PCDH15: variants seen among roughly 807,000 people sequenced by gnomAD.
PCDH15 encodes protocadherin-15.
PCDH15 carries 129 observed loss-of-function variants against 178.5 expected under a neutral mutation model. That is an observed-to-expected ratio of 0.72 (90% CI 0.63 to 0.84). The LOEUF (loss-of-function observed/expected upper bound fraction) is 0.84. PCDH15 is among the 40% of genes least tolerant of loss of function. The probability of loss-of-function intolerance (pLI) is 0.00; values close to 1 mark genes in which losing one functional copy is unlikely to be tolerated. For synonymous variants in PCDH15, 800 were observed against 732.0 expected, an observed-to-expected ratio of 1.09 and a Z score of -1.50; for missense variants, 2,230 against 2,099.9, an observed-to-expected ratio of 1.06 and a Z score of -1.21.
At chr10:55,010,184 T>C (rs1409273252) in intron 2 of PCDH15, among the ~76,000 whole-genome samples, 1 of 151,980 alleles carries the variant, frequency 6.6e-6, no homozygotes, top group East Asian at 1.9e-4. Context: ...TTGTACAACC[T>C]GAAGTAAAAA....
chr10:54,738,774 A>G (rs1051739908), intron 1 of PCDH15, among the ~76,000 whole-genome samples: 5 of 152,244 alleles, frequency 3.3e-5, no homozygotes, highest in African/African-American at 1.2e-4. Flanking sequence ...AACATGATAC[A>G]TCATAACATA....
chr10:54,731,541 G>GATATATATATATATATATATAT (rs1227921777), intron 1 of PCDH15, among the ~76,000 whole-genome samples: 4,452 of 67,580 alleles, frequency 0.066, 852 homozygotes, highest in Middle Eastern at 0.089. Flanking sequence ...GAAAATGTGA[G>GATATATATATATATATATATAT]ATAGATATAT....
At chr10:54,394,610 A>C (rs1257543570) in intron 3 of PCDH15, among the ~76,000 whole-genome samples, 1 of 152,196 alleles carries the variant, frequency 6.6e-6, no homozygotes, top group Non-Finnish European at 1.5e-5. Context: ...TGAAATTAAA[A>C]TTGCTAATGA....
At chr10:54,546,984 T>G (rs1280740607) in intron 2 of PCDH15, among the ~76,000 whole-genome samples, 1 of 152,172 alleles carries the variant, frequency 6.6e-6, no homozygotes, top group Non-Finnish European at 1.5e-5. Flanking sequence ...GTAATGACAT[T>G]GTGGGAAAGC....
At chr10:54,354,177 G>T (rs1944601795) in intron 5 of PCDH15, among the ~76,000 whole-genome samples, 1 of 152,088 alleles carries the variant, frequency 6.6e-6, no homozygotes, top group African/African-American at 2.4e-5. Flanking sequence ...TAGAGACGTG[G>T]TTTCTCCATG....
chr10:55,379,234 T>C (rs1837476258), intron 2 of PCDH15, among the ~76,000 whole-genome samples: 1 of 151,964 alleles, frequency 6.6e-6, no homozygotes, highest in Admixed American at 6.6e-5. Context: ...TCACCTCCCC[T>C]GTTATCCTGT....
chr10:54,334,468 A>G (rs1940604138), intron 6 of PCDH15, among the ~76,000 whole-genome samples: 1 of 152,146 alleles, frequency 6.6e-6, no homozygotes. Context: ...CTCTGAAAGG[A>G]GGTGTTGAAT....
intron 2 of PCDH15, among the ~76,000 whole-genome samples, chr10:55,016,984 A>C (rs894047840): frequency 6.6e-6 from 1 of 152,122 alleles, no homozygotes. Context: ...AGAGGGAGAG[A>C]GGGAGAGAAG....
At chr10:54,268,597 C>A (rs1277126959) in intron 8 of PCDH15, among the ~76,000 whole-genome samples, 2 of 151,884 alleles carry the variant, frequency 1.3e-5, no homozygotes, top group Admixed American at 1.3e-4. Flanking sequence ...AGAATGAAAT[C>A]CTTTCCTTTG....
At chr10:54,510,784 T>A (rs2081578855) in intron 3 of PCDH15, among the ~76,000 whole-genome samples, 1 of 152,204 alleles carries the variant, frequency 6.6e-6, no homozygotes, top group South Asian at 2.1e-4. Context: ...CTTATTTTGG[T>A]GTGAATGTAT....
intron 2 of PCDH15, among the ~76,000 whole-genome samples, chr10:55,406,722 G>A (rs965385200): frequency 2.6e-5 from 4 of 152,146 alleles, no homozygotes; most frequent in Non-Finnish European, 4.4e-5. Flanking sequence ...CTGGACATAG[G>A]TATTTTGGAG....
chr10:54,276,626 T>G (rs2132616760), intron 8 of PCDH15, among the ~76,000 whole-genome samples: 1 of 150,958 alleles, frequency 6.6e-6, no homozygotes, highest in African/African-American at 2.4e-5. Context: ...TACATATATA[T>G]AATAAAATCT....
intron 2 of PCDH15, among the ~76,000 whole-genome samples, chr10:55,372,991 T>G (rs1192502442): frequency 1.3e-5 from 2 of 152,140 alleles, no homozygotes; most frequent in Non-Finnish European, 2.9e-5. Flanking sequence ...GTAGCCTTTG[T>G]GAGTCTAGTG....
At chr10:54,552,387 G>A (rs917660830) in intron 2 of PCDH15, among the ~76,000 whole-genome samples, 3 of 152,124 alleles carry the variant, frequency 2.0e-5, no homozygotes, top group Admixed American at 6.5e-5. Flanking sequence ...ATGATAGTAT[G>A]AGAATTAAGC....
intron 2 of PCDH15, among the ~76,000 whole-genome samples, chr10:54,536,759 G>C (rs777548955): frequency 1.3e-5 from 2 of 151,842 alleles, no homozygotes; most frequent in Non-Finnish European, 2.9e-5. Flanking sequence ...TGGTTTTTCT[G>C]TTCCTGTGTT....
In PCDH15 at chr10:53,828,579, T is replaced by C; in HGVS notation, c.4203-6A>G. 6.5e-7 allele frequency: 1 copy of C among 1,550,250 alleles called. No homozygotes were observed. The highest frequency in any genetic ancestry group is 8.9e-7 in the Non-Finnish European group (1 of 1,122,694). ...ATTATACTTACACTTTAAACCTGTTTGGGAAAGCAAGAGTAAGAAAAATAG... is the reference window on the plus strand; with the variant it reads ...ATTATACTTACACTTTAAACCTGTTCGGGAAAGCAAGAGTAAGAAAAATAG... On this transcript the variant is annotated splice_region_variant and splice_polypyrimidine_tract_variant and intron_variant, in intron 30 of 37. Coordinates refer to ENST00000644397, the MANE Select transcript of PCDH15 (RefSeq NM_001384140.1).
chr10:55,572,734 T>C (rs1017902963), intron 2 of PCDH15, among the ~76,000 whole-genome samples: 2 of 152,014 alleles, frequency 1.3e-5, no homozygotes, highest in African/African-American at 4.8e-5. Context: ...GGTCTCTCTG[T>C]GAAGGTTTCA....
intron 1 of PCDH15, among the ~76,000 whole-genome samples, chr10:54,731,563 T>TATATATATATATATATATATACACAC: frequency 4.0e-5 from 2 of 49,920 alleles, no homozygotes; most frequent in Admixed American, 1.5e-4. Flanking sequence ...TATATATATA[T>TATATATATATATATATATATACACAC]ACACACACAC....
intron 2 of PCDH15, among the ~76,000 whole-genome samples, chr10:55,100,945 A>G (rs1842562499): frequency 6.6e-6 from 1 of 152,192 alleles, no homozygotes; most frequent in Admixed American, 6.6e-5. Context: ...AATAGAAATT[A>G]TCTTCCTCAT....
Sources: allele counts gnomAD v4.1 joint callset (sites outside exome capture counted in the v4.1 genomes callset), GRCh38; gene constraint gnomAD v4.1.1; transcripts MANE v1.5; gene names NCBI Gene and HGNC (gene_info 2026-07-23, HGNC 2026-07-21).